The following WWOX variants were observed in gnomAD, a reference collection of about 807,000 sequenced individuals.
The protein encoded by WWOX is WW domain containing oxidoreductase.
A neutral mutation model predicts 46.2 loss-of-function variants in WWOX; 69 were observed. That is an observed-to-expected ratio of 1.49 (90% confidence interval 1.23 to 1.82). The LOEUF (loss-of-function observed/expected upper bound fraction) is 1.82. WWOX is among the 40% of genes most tolerant of loss of function. The pLI is 0.00. For missense variants in WWOX, 919 were observed against 542.6 expected, an observed-to-expected ratio of 1.69 and a Z score of -6.89; for synonymous variants, 359 against 202.6, an observed-to-expected ratio of 1.77 and a Z score of -6.56.
At chr16:78,966,101 T>A (rs141864512) in intron 8 of WWOX, among the ~76,000 whole-genome samples, 43 of 152,348 alleles carry the variant, frequency 2.8e-4, no homozygotes, top group Non-Finnish European at 5.1e-4. Flanking sequence ...TTGCGTGGCT[T>A]CTTACCTATC....
At chr16:78,759,793 G>T (rs192969156) in intron 8 of WWOX, among the ~76,000 whole-genome samples, 2 of 152,126 alleles carry the variant, frequency 1.3e-5, no homozygotes, top group African/African-American at 4.8e-5. Flanking sequence ...TGAAGGTTTC[G>T]CTCCAGAGTG....
chr16:78,125,966 A>T (rs377343100), intron 4 of WWOX, among the ~76,000 whole-genome samples: 12 of 152,244 alleles, frequency 7.9e-5, no homozygotes, highest in East Asian at 1.9e-4. Flanking sequence ...TAAAAGATTT[A>T]AAAAAACCCC....
intron 4 of WWOX, among the ~76,000 whole-genome samples, chr16:78,154,516 G>A (rs1252536951): frequency 3.2e-5 from 2 of 62,076 alleles, no homozygotes; most frequent in Admixed American, 2.2e-4. Context: ...TTTTTGCCAA[G>A]CACCCTGCCT....
intron 8 of WWOX, among the ~76,000 whole-genome samples, chr16:78,682,522 G>A (rs1047043632): frequency 1.3e-5 from 2 of 152,120 alleles, no homozygotes; most frequent in East Asian, 1.9e-4. Flanking sequence ...GTTGGAGGCT[G>A]CAACGACTTA....
At chr16:78,404,966 A>G (rs981638586) in intron 6 of WWOX, among the ~76,000 whole-genome samples, 1 of 152,230 alleles carries the variant, frequency 6.6e-6, no homozygotes, top group Non-Finnish European at 1.5e-5. Flanking sequence ...CAATTATCAA[A>G]TGGATGCATT....
chr16:78,295,650 G>T (rs1360346589), intron 5 of WWOX, among the ~76,000 whole-genome samples: 2 of 152,214 alleles, frequency 1.3e-5, no homozygotes, highest in Non-Finnish European at 2.9e-5. Flanking sequence ...GATGGTGGTT[G>T]CAGTGAGCCA....
intron 8 of WWOX, among the ~76,000 whole-genome samples, chr16:78,709,827 C>G (rs1175808429): frequency 1.3e-5 from 2 of 151,188 alleles, no homozygotes; most frequent in Non-Finnish European, 2.9e-5. Flanking sequence ...CTTCTGGGTT[C>G]AAGTGATTCT....
intron 5 of WWOX, chr16:78,355,576 T>C (rs7205915): frequency 0.5 from 236,435 of 475,188 alleles, 64,244 homozygotes; most frequent in African/African-American, 0.73. Flanking sequence ...CTGTGGAGGA[T>C]CCCCTGGATC....
At chr16:78,818,471 C>T (rs1028210050) in intron 8 of WWOX, among the ~76,000 whole-genome samples, 1 of 152,224 alleles carries the variant, frequency 6.6e-6, no homozygotes, top group African/African-American at 2.4e-5. Context: ...AGGCTCATGC[C>T]TGTAATCCCA....
At chr16:79,019,980 C>A (rs2047498644) in intron 8 of WWOX, among the ~76,000 whole-genome samples, 3 of 152,198 alleles carry the variant, frequency 2.0e-5, no homozygotes, top group Admixed American at 1.3e-4. Flanking sequence ...CCTCTCACTT[C>A]TCTACTAATC....
At chr16:79,024,695 A>C (rs562320139) in intron 8 of WWOX, among the ~76,000 whole-genome samples, 193 of 152,092 alleles carry the variant, frequency 1.3e-3, no homozygotes, top group African/African-American at 4.2e-3. Context: ...TCGGCCTCCC[A>C]AAGTGCTGGG....
At chr16:78,545,389 A>C (rs1360173246) in intron 8 of WWOX, among the ~76,000 whole-genome samples, 1 of 152,162 alleles carries the variant, frequency 6.6e-6, no homozygotes, top group Non-Finnish European at 1.5e-5. Context: ...TTAAAAAAAA[A>C]ATTCTTTTTA....
At chr16:78,385,538 G>C (rs1178876438) in intron 5 of WWOX, among the ~76,000 whole-genome samples, 2 of 152,132 alleles carry the variant, frequency 1.3e-5, no homozygotes, top group African/African-American at 4.8e-5. Flanking sequence ...AGCTGTCACT[G>C]CCTGATGTTT....
chr16:78,144,411 A>C (rs1283578385), intron 4 of WWOX, among the ~76,000 whole-genome samples: 2 of 116,044 alleles, frequency 1.7e-5, no homozygotes, highest in Non-Finnish European at 3.6e-5. Flanking sequence ...GGTGGTGCAA[A>C]CGTGGTTTTT....
intron 5 of WWOX, among the ~76,000 whole-genome samples, chr16:78,375,376 A>C (rs937175668): frequency 7.2e-5 from 11 of 152,228 alleles, no homozygotes; most frequent in Admixed American, 2.6e-4. Flanking sequence ...TGCCACTATG[A>C]GTAGCCTACT....
chr16:78,115,190 G>A (rs764276161), intron 4 of WWOX, 36 bp downstream of exon 4: 3 of 1,611,216 alleles, frequency 1.9e-6, no homozygotes, highest in East Asian at 2.2e-5. Flanking sequence ...CTTTGGGACT[G>A]CTATAATGAG....
At chr16:79,159,694 G>C (rs888683411) in intron 8 of WWOX, among the ~76,000 whole-genome samples, 2 of 152,184 alleles carry the variant, frequency 1.3e-5, no homozygotes, top group African/African-American at 4.8e-5. Context: ...AGAACAGGGG[G>C]AAAGATAGCA....
chr16:78,851,955 C>T (rs965474091), intron 8 of WWOX, among the ~76,000 whole-genome samples: 1 of 152,112 alleles, frequency 6.6e-6, no homozygotes, highest in African/African-American at 2.4e-5. Context: ...GTTTCTGTAC[C>T]TGTAATCTTC....
chr16:78,888,897 A>G (rs1198782908), intron 8 of WWOX, among the ~76,000 whole-genome samples: 4 of 151,852 alleles, frequency 2.6e-5, no homozygotes, highest in East Asian at 1.9e-4. Flanking sequence ...TTTCTCTTCC[A>G]TTCCTCACAG....
Sources: allele counts gnomAD v4.1 joint callset (sites outside exome capture counted in the v4.1 genomes callset), GRCh38; gene constraint gnomAD v4.1.1; transcripts MANE v1.5; gene names NCBI Gene and HGNC (gene_info 2026-07-23, HGNC 2026-07-21).